Variants in NID2 observed in about 807,000 individuals in gnomAD.
NID2 encodes nidogen-2.
Under a neutral mutation model 145.4 loss-of-function variants are expected in NID2, and 83 were observed. The ratio of observed to expected loss-of-function variants is 0.57; its 90% CI spans 0.48 to 0.69. NID2 has a LOEUF of 0.69. Among genes scored for constraint, NID2 ranks in the 30% least tolerant of loss-of-function variants. The pLI is 0.00. For missense variants in NID2, 1,807 were observed against 1,765.7 expected, an observed-to-expected ratio of 1.02 and a Z score of -0.42; for synonymous variants, 739 against 701.3, an observed-to-expected ratio of 1.05 and a Z score of -0.85.
At chr14:52,044,801 G>A (rs111845598) in intron 5 of NID2, among the ~76,000 whole-genome samples, 4 of 151,828 alleles carry the variant, frequency 2.6e-5, no homozygotes, top group African/African-American at 9.7e-5. Flanking sequence ...GGGTGGGTTG[G>A]GGGGAGGGGT....
rs375934979 is a variant in NID2 at position 52,068,110 on chromosome 14, A to G, written c.282T>C (p.Tyr94=). 1.5e-5 allele frequency: 25 copies of G among 1,613,332 alleles called. No homozygotes were observed. Among genetic ancestry groups the G allele is most frequent in the Non-Finnish European group, 1.8e-5 (21 of 1,179,926 alleles). The change falls in exon 2 of 22, where the codon TAT becomes TAC. Residue 94 remains tyrosine, a synonymous_variant. Transcript: ENST00000216286. ...AGTCGGTGGGGAAATCATAGTCCAC[A>G]TACTGCGTTTCCCTGGGGAAGTCCT... ...STQDFPRETQ[Y]VDYDFPTDFP... is the part of the protein sequence containing the mutation.
rs144571596 is a variant in NID2 at position 52,046,341 on chromosome 14, A to C, written c.1430-3410T>G. Among the ~76,000 whole-genome samples the C allele has an allele frequency of 2.8e-4, 34 of 123,166 alleles. 5 individuals are homozygous for C. The highest frequency in any genetic ancestry group is 4.2e-3 in the Middle Eastern group (1 of 236). 80.8% of individuals were successfully genotyped at this position (123,166 alleles called of 152,430 possible). ...CCATCTCAAAAAAAAAAAAAAAAAAAAGCCGTTTTCATAATATTCAGATAA... is the reference window on the plus strand; with the variant it reads ...CCATCTCAAAAAAAAAAAAAAAAAACAGCCGTTTTCATAATATTCAGATAA... On this transcript the variant is annotated intron_variant, in intron 5 of 21. Transcript: ENST00000216286.
At chr14:52,023,895 C>CT (rs1338386279) in intron 12 of NID2, among the ~76,000 whole-genome samples, 4 of 152,172 alleles carry the variant, frequency 2.6e-5, no homozygotes, top group African/African-American at 9.7e-5. Flanking sequence ...CCCACACCCC[C>CT]TTATTGTTAG....
intron 10 of NID2, 27 bp downstream of exon 10, chr14:52,029,520 A>G (rs996081576): frequency 6.9e-6 from 11 of 1,592,144 alleles, no homozygotes; most frequent in African/African-American, 2.7e-5. Flanking sequence ...GGGCTACAAG[A>G]AGGAGACACG....
At chr14:52,009,444 C>T (rs544889186) in intron 18 of NID2, 3 of 152,146 alleles carry the variant, frequency 2.0e-5, no homozygotes, top group Non-Finnish European at 2.9e-5. Context: ...CATTCTGTTA[C>T]GCAGTTGAAG....
intron 8 of NID2, among the ~76,000 whole-genome samples, chr14:52,039,284 G>C (rs1022501337): frequency 6.6e-5 from 10 of 152,188 alleles, no homozygotes; most frequent in Non-Finnish European, 1.2e-4. Context: ...CAACAGCCTG[G>C]TGAGGTGGGC....
At chr14:52,009,632 CCA>C (rs1289409578) in intron 18 of NID2, 1 of 152,130 alleles carries the variant, frequency 6.6e-6, no homozygotes, top group Non-Finnish European at 1.5e-5. Flanking sequence ...TCCCCAGACT[CCA>C]GAGACATGGC....
Position 52,014,989 on chromosome 14 carries a change from C to T in NID2, c.3250+65G>A, listed in dbSNP as rs1656872449. ...CACATGTCCCCCCACTTCACCACAGCAGGCACCATCCCTAGCAAAGGCCTT... is the reference window on the plus strand; with the variant it reads ...CACATGTCCCCCCACTTCACCACAGTAGGCACCATCCCTAGCAAAGGCCTT... On this transcript the variant is annotated intron_variant, in intron 15 of 21. Transcript: ENST00000216286. The T allele has an allele frequency of 8.9e-6, 12 of 1,350,196 alleles. No homozygotes were observed. The South Asian group carries it at 1.4e-4, about 15-fold the overall frequency. 83.6% of individuals were successfully genotyped at this position (1,350,196 alleles called of 1,614,324 possible).
intron 5 of NID2, among the ~76,000 whole-genome samples, chr14:52,048,637 A>G (rs1003477931): frequency 3.3e-5 from 5 of 152,302 alleles, no homozygotes; most frequent in South Asian, 2.1e-4. Context: ...ATTGAGGCCT[A>G]CAGAGATGAA....
In NID2 at chr14:52,005,194, CT is replaced by C. The variant is rs1483551255; in HGVS notation, c.*291del. The stretch of plus-strand genomic sequence containing the variant: ...TAATTCTTAGTTGAATGAATTTGAT[CT>C]TTTAAATATTAATGATAAATGTTTA... On this transcript the variant is annotated 3_prime_UTR_variant, in exon 22 of 22. Coordinates refer to ENST00000216286, the MANE Select transcript of NID2 (RefSeq NM_007361.4). The C allele has an allele frequency of 7.0e-6, 2 of 287,206 alleles. No homozygotes were observed. Among genetic ancestry groups the C allele is most frequent in the Non-Finnish European group, 1.3e-5 (2 of 155,488 alleles). 17.8% of individuals were successfully genotyped at this position (287,206 alleles called of 1,614,324 possible). A position where few individuals can be genotyped will look rare whatever the true frequency, so the allele number is the denominator to read the frequency against.
intron 9 of NID2, among the ~76,000 whole-genome samples, chr14:52,036,544 A>G (rs1892079038): frequency 6.6e-6 from 1 of 152,232 alleles, no homozygotes; most frequent in African/African-American, 2.4e-5. Context: ...TTGCTCCATT[A>G]AATGGTAACT....
chr14:52,035,900 G>A (rs187389445), intron 9 of NID2, among the ~76,000 whole-genome samples: 3 of 45,962 alleles, frequency 6.5e-5, no homozygotes, highest in African/African-American at 2.2e-4. Flanking sequence ...GTAGAGACAG[G>A]GTTTCACCAT....
In NID2 at chr14:52,067,970, C is replaced by G. The variant is rs762548322; in HGVS notation, c.422G>C (p.Arg141Pro). Residue 141 changes from arginine to proline, a missense_variant, in exon 2 of 22, where the codon CGC (arginine) becomes CCC (proline). Arg to Pro is a moderately radical substitution (Grantham distance 103). Coordinates refer to ENST00000216286, the MANE Select transcript of NID2 (RefSeq NM_007361.4). The stretch of plus-strand genomic sequence containing the variant: ...GCGCGCAGAGCGCGGGAAGCCAGCG[C>G]GCACATAGCGGGCGGCCAGGCCCAG... ...AVLGLAARYV[R>P]AGFPRSARFT... 3.1e-6 allele frequency: 5 copies of G among 1,611,092 alleles called. No homozygotes were observed. Among genetic ancestry groups the G allele is most frequent in the Non-Finnish European group, 4.2e-6 (5 of 1,178,782 alleles).
At chr14:52,054,756 A>T (rs1892794625) in intron 3 of NID2, among the ~76,000 whole-genome samples, 1 of 152,228 alleles carries the variant, frequency 6.6e-6, no homozygotes, top group South Asian at 2.1e-4. Flanking sequence ...TTCAGTTTTC[A>T]CTGGTATATA....
chr14:52,051,070 T>C (rs1892663204), intron 5 of NID2, among the ~76,000 whole-genome samples: 1 of 152,236 alleles, frequency 6.6e-6, no homozygotes. Flanking sequence ...CTACTGCTGT[T>C]CTGTGGCCTA....
At chr14:52,023,975 G>C (rs1316759775) in intron 12 of NID2, among the ~76,000 whole-genome samples, 4 of 152,172 alleles carry the variant, frequency 2.6e-5, no homozygotes, top group Admixed American at 2.6e-4. Context: ...CTGTTCTTTG[G>C]TCACTGAGAC....
At chr14:52,036,468 T>C (rs1892075337) in intron 9 of NID2, among the ~76,000 whole-genome samples, 1 of 152,226 alleles carries the variant, frequency 6.6e-6, no homozygotes, top group African/African-American at 2.4e-5. Flanking sequence ...ACTATGAATA[T>C]ACACGAATAA....
chr14:52,005,654 A>T (rs541100660), intron 21 of NID2, 83 bp downstream of exon 21: 10 of 1,374,560 alleles, frequency 7.3e-6, no homozygotes, highest in Non-Finnish European at 1.0e-5. Flanking sequence ...GCAGTGTCAC[A>T]GGCAGCAGGG....
intron 5 of NID2, among the ~76,000 whole-genome samples, chr14:52,045,983 T>C (rs1892476648): frequency 6.6e-6 from 1 of 152,198 alleles, no homozygotes. Context: ...TTCTTCTTAA[T>C]GTACTTCTGA....
Sources: gnomAD v4.1 joint callset for allele counts (sites outside exome capture counted in the v4.1 genomes callset) on GRCh38, gnomAD v4.1.1 for gene constraint, MANE v1.5 for transcripts, NCBI Gene and HGNC (gene_info 2026-07-23, HGNC 2026-07-21) for gene names.